Variants in ZNF514 observed in about 807,000 individuals in gnomAD.
ZNF514 encodes the protein zinc finger protein 514.
Under a neutral mutation model 9.7 loss-of-function variants are expected in ZNF514, and 12 were observed. That is an observed-to-expected ratio of 1.24 (90% CI 0.79 to 2.01). The LOEUF (loss-of-function observed/expected upper bound fraction) is 2.01, where lower values mean the gene tolerates loss of function less well. ZNF514 is among the 30% of genes most tolerant of loss of function. The pLI is 0.00. For missense variants in ZNF514, 467 were observed against 465.5 expected (o/e 1.00, Z -0.03); for synonymous variants, 158 against 163.7 (o/e 0.97, Z 0.27).
chr2:95,141,864 G>A (rs1425117781), downstream of ZNF514, among the ~76,000 whole-genome samples: 2 of 152,152 alleles, frequency 1.3e-5, no homozygotes, highest in African/African-American at 4.8e-5. Context: ...GGATTCTCCA[G>A]GGTATTCTAT....
the ZNF514 span, among the ~76,000 whole-genome samples, chr2:95,131,928 C>T: frequency 6.6e-6 from 1 of 151,330 alleles, no homozygotes; most frequent in Non-Finnish European, 1.5e-5. Context: ...GGATCGCTTA[C>T]GGTCAGGAGT....
In ZNF514 at chr2:95,145,286, C is replaced by T. The variant is rs1232609192; in HGVS notation, c.*3996G>A. On this transcript the variant is annotated 3_prime_UTR_variant, in exon 5 of 5. Transcript: ENST00000295208. ...GGTCAGACATACCTCATTATACCTT[C>T]CTCTCTTTGGAATTCAGGCACAGTG... Among the ~76,000 whole-genome samples, 108 of 152,138 alleles carry T rather than the reference C, an allele frequency of 7.1e-4. 2 individuals are homozygous for T. Among genetic ancestry groups the T allele is most frequent in the Admixed American group, 7.1e-3 (108 of 15,274 alleles).
the ZNF514 span, among the ~76,000 whole-genome samples, chr2:95,136,049 C>T: frequency 4.6e-5 from 7 of 151,682 alleles, no homozygotes; most frequent in African/African-American, 7.3e-5. Flanking sequence ...GGCGACAGAG[C>T]GAGACTCCAT....
At chr2:95,140,010 T>G (rs1425388734), downstream of ZNF514, among the ~76,000 whole-genome samples, 1 of 152,004 alleles carries the variant, frequency 6.6e-6, no homozygotes, top group Non-Finnish European at 1.5e-5. Flanking sequence ...AAACCATCAT[T>G]CTCACAAACT....
At chr2:95,131,246 T>G in the ZNF514 span, among the ~76,000 whole-genome samples, 1 of 152,186 alleles carries the variant, frequency 6.6e-6, no homozygotes, top group Non-Finnish European at 1.5e-5. Context: ...AACTGTAAGA[T>G]CTACTCCCCA....
At chr2:95,128,253 G>C in the ZNF514 span, among the ~76,000 whole-genome samples, 3 of 152,128 alleles carry the variant, frequency 2.0e-5, no homozygotes, top group Non-Finnish European at 2.9e-5. Context: ...AGCCAGGCAT[G>C]GTGGCAGGTG....
downstream of ZNF514, among the ~76,000 whole-genome samples, chr2:95,142,458 G>A (rs761502199): frequency 2.0e-5 from 3 of 152,212 alleles, no homozygotes; most frequent in Non-Finnish European, 4.4e-5. Context: ...TCACCTGGAA[G>A]AGACATTAAT....
the ZNF514 span, among the ~76,000 whole-genome samples, chr2:95,128,090 G>T: frequency 6.6e-6 from 1 of 151,328 alleles, no homozygotes; most frequent in Admixed American, 6.6e-5. Flanking sequence ...TCTACAAAAA[G>T]TTTTTAAAAT....
At position 95,148,125 on chromosome 2, in the gene ZNF514, T is replaced by G. The variant is rs1673414282; in HGVS notation, c.*1157A>C. 1 of 152,164 alleles carries G rather than the reference T, an allele frequency of 6.6e-6. No individual in the cohort carries two copies. Among genetic ancestry groups the G allele is most frequent in the Non-Finnish European group, 1.5e-5 (1 of 68,054 alleles). 9.4% of individuals were successfully genotyped at this position (152,164 alleles called of 1,614,324 possible). A position where few individuals can be genotyped will look rare whatever the true frequency, so the allele number is the denominator to read the frequency against. On this transcript the variant is annotated 3_prime_UTR_variant, in exon 5 of 5. Coordinates refer to ENST00000295208, the MANE Select transcript of ZNF514 (RefSeq NM_032788.3). ...GAGGTGTTGTACTGCAAAGATCCAGTCTATTAATCTCCATACTACAGCTGT... is the reference window on the plus strand; with the variant it reads ...GAGGTGTTGTACTGCAAAGATCCAGGCTATTAATCTCCATACTACAGCTGT...
rs1433135601 is a variant in ZNF514 at position 95,146,284 on chromosome 2, TACC to T, written c.*2995_*2997del. On this transcript the variant is annotated 3_prime_UTR_variant, in exon 5 of 5. Coordinates refer to ENST00000295208, the MANE Select transcript of ZNF514 (RefSeq NM_032788.3). ...AATAGATCAAGACAGTGATACGATTTACCACAAGTCTAGATATTGTCCATTTTT... is the reference window on the plus strand; with the variant it reads ...AATAGATCAAGACAGTGATACGATTTACAAGTCTAGATATTGTCCATTTTT... Among the ~76,000 whole-genome samples the T allele has an allele frequency of 6.6e-6, 1 of 152,228 alleles. No individual in the cohort carries two copies. The highest frequency in any genetic ancestry group is 2.4e-5 in the African/African-American group (1 of 41,464).
chr2:95,142,914 T>C (rs1673279680), downstream of ZNF514, among the ~76,000 whole-genome samples: 1 of 152,234 alleles, frequency 6.6e-6, no homozygotes, highest in South Asian at 2.1e-4. Context: ...TGATGGACAA[T>C]TGCATTGCTA....
chr2:95,130,734 G>A, the ZNF514 span, among the ~76,000 whole-genome samples: 1 of 152,164 alleles, frequency 6.6e-6, no homozygotes, highest in African/African-American at 2.4e-5. Flanking sequence ...CTGTTATCCT[G>A]TTCTTTTTTC....
In ZNF514 at chr2:95,159,738, CGCCCCGCGCCA is replaced by C. The variant is rs1279810950; in HGVS notation, c.-605_-595del. ...TCCGCCCCGCGCCAGCCCCCGCGTC[CGCCCCGCGCCA>C]GCCCCGCCTCCCGAGGCCGTCCCGA... On this transcript the variant is annotated 5_prime_UTR_variant, in exon 1 of 5. Transcript: ENST00000295208. The C allele has an allele frequency of 6.1e-5, 8 of 131,786 alleles. No homozygotes were observed. Among genetic ancestry groups the C allele is most frequent in the South Asian group, 2.2e-4 (1 of 4,534 alleles). 8.2% of individuals were successfully genotyped at this position (131,786 alleles called of 1,614,324 possible). A position where few individuals can be genotyped will look rare whatever the true frequency, so the allele number is the denominator to read the frequency against.
At chr2:95,129,401 C>T in the ZNF514 span, among the ~76,000 whole-genome samples, 175 of 152,266 alleles carry the variant, frequency 1.1e-3, 5 homozygotes, top group South Asian at 0.036. Context: ...GCTCCATTCT[C>T]GACAGGTGTG....
the ZNF514 span, among the ~76,000 whole-genome samples, chr2:95,137,195 C>A: frequency 6.6e-6 from 1 of 152,132 alleles, no homozygotes; most frequent in Non-Finnish European, 1.5e-5. Context: ...AAAGAAGCAG[C>A]CTTAACCAAG....
At chr2:95,139,454 G>T in the ZNF514 span, among the ~76,000 whole-genome samples, 1 of 152,226 alleles carries the variant, frequency 6.6e-6, no homozygotes, top group African/African-American at 2.4e-5. Context: ...AGGTTATTTT[G>T]GAGCTTTGAG....
the ZNF514 span, among the ~76,000 whole-genome samples, chr2:95,125,344 G>A: frequency 1.3e-5 from 2 of 151,272 alleles, no homozygotes; most frequent in African/African-American, 4.9e-5. Flanking sequence ...GGGTTCAAGC[G>A]ATTCTCCTGC....
Position 95,149,532 on chromosome 2 carries a change from C to T in ZNF514, c.953G>A (p.Cys318Tyr), listed in dbSNP as rs1364164174. The change falls in exon 5 of 5, where the codon TGC becomes TAC. Residue 318 changes from cysteine (C) to tyrosine (Y), a missense_variant. By Grantham distance (194) the Cys-to-Tyr change is radical. Coordinates refer to ENST00000295208, the MANE Select transcript of ZNF514 (RefSeq NM_032788.3). ...RTHTGEKPYE[C>Y]RECGRTFSQS... ...GCTGAAGGTTCTCCCACATTCCCGG[C>T]ATTCATAGGGCTTTTCTCCAGTATG... The T allele has an allele frequency of 9.9e-6, 16 of 1,613,834 alleles. No individual in the cohort carries two copies. Among genetic ancestry groups the T allele is most frequent in the Admixed American group, 3.3e-5 (2 of 59,986 alleles).
Position 95,145,050 on chromosome 2 carries a change from T to C in ZNF514, c.*4232A>G. On this transcript the variant is annotated 3_prime_UTR_variant, in exon 5 of 5. Coordinates refer to ENST00000295208, the MANE Select transcript of ZNF514 (RefSeq NM_032788.3). ...ATTGGTAGTCTTCTAGAAAGAAGGCTTTTCATATAGTACAAAAACATGCAG... is the reference window on the plus strand; with the variant it reads ...ATTGGTAGTCTTCTAGAAAGAAGGCCTTTCATATAGTACAAAAACATGCAG... 6.6e-6 allele frequency among the ~76,000 whole-genome samples: 1 copy of C among 152,226 alleles called. No homozygotes were observed. The highest frequency in any genetic ancestry group is 1.9e-4 in the East Asian group (1 of 5,202).
Sources: allele counts gnomAD v4.1 joint callset (sites outside exome capture counted in the v4.1 genomes callset), GRCh38; gene constraint gnomAD v4.1.1; transcripts MANE v1.5; gene names NCBI Gene and HGNC (gene_info 2026-07-23, HGNC 2026-07-21).